ERFL: variants seen among roughly 807,000 people sequenced by gnomAD.
The protein encoded by ERFL is ETS repressor factor like, also known as ETS domain-containing transcription factor ERF-like.
ERFL carries 8 observed loss-of-function variants against 27.9 expected under a neutral mutation model. That is an observed-to-expected ratio of 0.29 (90% CI 0.17 to 0.52). The LOEUF (loss-of-function observed/expected upper bound fraction) is 0.52. Among genes scored for constraint, ERFL ranks in the 20% least tolerant of loss-of-function variants. The pLI is 0.97. For synonymous variants in ERFL, 174 were observed against 202.8 expected (o/e 0.86, Z 1.21); for missense variants, 294 against 444.4 (o/e 0.66, Z 3.04).
Position 41,917,221 on chromosome 19 carries a change from C to T in ERFL, c.-13-4289G>A, listed in dbSNP as rs2074806782. Among the ~76,000 whole-genome samples, 1 of 152,084 alleles carries T rather than the reference C, an allele frequency of 6.6e-6. No homozygotes were observed. Among genetic ancestry groups the T allele is most frequent in the Admixed American group, 6.5e-5 (1 of 15,274 alleles). ...TTGGCCTGCCTGTCTTTCTAAATAT[C>T]TCCATCTCTGAGTGTCTCTGTTTCC... On this transcript the variant is annotated intron_variant, in intron 1 of 5. Transcript: ENST00000597630. This position sits in a 1 kb window ranked among gnomAD's most constrained non-coding sequence, Gnocchi z 4.8.
At chr19:41,926,296 A>G (rs1343427645) in intron 1 of ERFL, among the ~76,000 whole-genome samples, 12 of 151,868 alleles carry the variant, frequency 7.9e-5, no homozygotes, top group African/African-American at 2.7e-4. Context: ...GTGAGAGGAA[A>G]TAGGTGTTAC....
chr19:41,916,559 C>T lies in ERFL; in HGVS notation c.-13-3627G>A, dbSNP rs1248907761. ...AAATCCTAGACACACTGTGTAAACA[C>T]ATAATCACACACTGAGGCTCACAAT... On this transcript the variant is annotated intron_variant, in intron 1 of 5. Transcript: ENST00000597630. This position sits in a 1 kb window ranked among gnomAD's most constrained non-coding sequence, Gnocchi z 5.4. Among the ~76,000 whole-genome samples, 2 of 152,130 alleles carry T rather than the reference C, an allele frequency of 1.3e-5. No individual in the cohort carries two copies. The highest frequency in any genetic ancestry group is 4.8e-5 in the African/African-American group (2 of 41,422).
At position 41,907,731 on chromosome 19, in the gene ERFL, A is replaced by C; in HGVS notation, c.*497T>G. ...TCACTCTCTGTTCTTTTATTTCTGT[A>C]GTAAACTCTCTGGAGGTGACTGTTG... On this transcript the variant is annotated 3_prime_UTR_variant, in exon 6 of 6. Transcript: ENST00000597630. 4.3e-6 allele frequency: 1 copy of C among 234,048 alleles called. No homozygotes were observed. The highest frequency in any genetic ancestry group is 2.3e-5 in the African/African-American group (1 of 43,704). 14.5% of individuals were successfully genotyped at this position (234,048 alleles called of 1,614,324 possible).
In ERFL at chr19:41,912,913, A is replaced by G; in HGVS notation, c.7T>C (p.Cys3Arg). MDCSCVSDLLFAP... is the reference protein window; with the variant it reads MDRSCVSDLLFAP... ...AAGAGAAGGTCGGAGACGCAGCTAC[A>G]GTCCATGGCGGAGCCGGCCCTGCAG... Residue 3 changes from cysteine to arginine, a missense_variant, in exon 2 of 6, where the codon TGT becomes CGT. Coordinates refer to ENST00000597630, the MANE Select transcript of ERFL (RefSeq NM_001365103.2). The G allele has an allele frequency of 8.1e-7, 1 of 1,231,252 alleles. No homozygotes were observed. 76.3% of individuals were successfully genotyped at this position (1,231,252 alleles called of 1,614,324 possible).
intron 1 of ERFL, among the ~76,000 whole-genome samples, chr19:41,914,953 A>ACCGTCT (rs2074790208): frequency 4.0e-5 from 2 of 50,106 alleles, no homozygotes; most frequent in Non-Finnish European, 6.3e-5. Context: ...CTCCTCTTCC[A>ACCGTCT]CTATCTCTGT....
intron 1 of ERFL, among the ~76,000 whole-genome samples, chr19:41,926,717 G>T (rs369473027): frequency 2.4e-4 from 37 of 152,260 alleles, no homozygotes; most frequent in African/African-American, 7.7e-4. Context: ...CGGCCGGGAG[G>T]GGGGAGCGGG....
chr19:41,916,694 C>T lies in ERFL; in HGVS notation c.-13-3762G>A, dbSNP rs1226573742. Among the ~76,000 whole-genome samples, 1 of 151,998 alleles carries T rather than the reference C, an allele frequency of 6.6e-6. No individual in the cohort carries two copies. Among genetic ancestry groups the T allele is most frequent in the African/African-American group, 2.4e-5 (1 of 41,350 alleles). The stretch of plus-strand genomic sequence containing the variant: ...AGCACCACCGACCCTCGAGCGCATA[C>T]ATATGCACTTGGTCACGCATGGAGC... On this transcript the variant is annotated intron_variant, in intron 1 of 5. Transcript: ENST00000597630. The surrounding 1 kb of genome is among the most constrained non-coding windows in gnomAD (Gnocchi z 5.4).
At chr19:41,918,518 T>TCA (rs1411197534) in intron 1 of ERFL, among the ~76,000 whole-genome samples, 1 of 103,428 alleles carries the variant, frequency 9.7e-6, no homozygotes, top group African/African-American at 3.8e-5. Flanking sequence ...ACCACACACA[T>TCA]CACACACACA....
chr19:41,917,343 A>G lies in ERFL; in HGVS notation c.-13-4411T>C, dbSNP rs1471563797. 2.0e-5 allele frequency among the ~76,000 whole-genome samples: 3 copies of G among 151,176 alleles called. No homozygotes were observed. The highest frequency in any genetic ancestry group is 4.4e-5 in the Non-Finnish European group (3 of 67,852). The stretch of plus-strand genomic sequence containing the variant: ...TCATCTCTCTCTGCCTCTGTCTCCT[A>G]ACGCCCCATCACCACGCCCCCCTGG... On this transcript the variant is annotated intron_variant, in intron 1 of 5. Transcript: ENST00000597630. This position sits in a 1 kb window ranked among gnomAD's most constrained non-coding sequence, Gnocchi z 4.8.
At chr19:41,912,164 CG>C (rs1319924746) in intron 2 of ERFL, among the ~76,000 whole-genome samples, 1 of 152,182 alleles carries the variant, frequency 6.6e-6, no homozygotes, top group African/African-American at 2.4e-5. Context: ...CAGATGTGCA[CG>C]TACAAGCAAA....
In ERFL at chr19:41,910,468, C is replaced by G. The variant is rs1409624344; in HGVS notation, c.68-371G>C. 6.6e-5 allele frequency among the ~76,000 whole-genome samples: 10 copies of G among 152,104 alleles called. No homozygotes were observed. The highest frequency in any genetic ancestry group is 1.5e-4 in the Non-Finnish European group (10 of 67,990). ...GCGTTAGTCCTCTCACTGCCCCCAG[C>G]CAGCCCTAGGAGGTCTCTAGTCTCT... On this transcript the variant is annotated intron_variant, in intron 2 of 5. Coordinates refer to ENST00000597630, the MANE Select transcript of ERFL (RefSeq NM_001365103.2). The surrounding 1 kb of genome is among the most constrained non-coding windows in gnomAD (Gnocchi z 4.4).
intron 1 of ERFL, among the ~76,000 whole-genome samples, chr19:41,915,319 T>C (rs1369185242): frequency 6.6e-6 from 1 of 151,530 alleles, no homozygotes; most frequent in East Asian, 2.0e-4. Context: ...GCAGTCTCTG[T>C]GCCCAGCCTT....
In ERFL at chr19:41,918,498, TCA is replaced by T. The variant is rs782457979; in HGVS notation, c.-13-5568_-13-5567del. Among the ~76,000 whole-genome samples the T allele has an allele frequency of 4.9e-4, 50 of 102,064 alleles. 1 individual carries two copies. In the South Asian group the frequency reaches 0.014, roughly 29 times the overall value. 67.0% of individuals were successfully genotyped at this position (102,064 alleles called of 152,430 possible). On this transcript the variant is annotated intron_variant, in intron 1 of 5. Transcript: ENST00000597630. ...ACGCACCACGCACACCACACACACA[TCA>T]CACACACACCACACACATCACACAC...
intron 1 of ERFL, among the ~76,000 whole-genome samples, chr19:41,926,567 C>T (rs2074871490): frequency 6.6e-6 from 1 of 152,132 alleles, no homozygotes; most frequent in Non-Finnish European, 1.5e-5. Context: ...TTCTGGCTCT[C>T]GGGTCCCTCC....
rs193208232 is a variant in ERFL, at chr19:41,919,328, A to T, written c.-13-6396T>A. ...ACAAGTTCACAGAAGTTGCAGACAC[A>T]TGCGCCATCCAACAGCCACACATAA... On this transcript the variant is annotated intron_variant, in intron 1 of 5. Coordinates refer to ENST00000597630, the MANE Select transcript of ERFL (RefSeq NM_001365103.2). Among the ~76,000 whole-genome samples, 49 of 152,270 alleles carry T rather than the reference A, an allele frequency of 3.2e-4. 1 individual carries two copies. The highest frequency in any genetic ancestry group is 1.0e-3 in the African/African-American group (42 of 41,554).
At chr19:41,915,707 CTCTG>C (rs1353275642) in intron 1 of ERFL, among the ~76,000 whole-genome samples, 6 of 152,178 alleles carry the variant, frequency 3.9e-5, no homozygotes, top group African/African-American at 1.4e-4. Context: ...GTCTCTATGT[CTCTG>C]TCTCTGTTTC....
In ERFL at chr19:41,917,644, ACACG is replaced by A. The variant is rs1410721789; in HGVS notation, c.-13-4716_-13-4713del. Among the ~76,000 whole-genome samples the A allele has an allele frequency of 1.4e-5, 2 of 142,602 alleles. No homozygotes were observed. Among genetic ancestry groups the A allele is most frequent in the Non-Finnish European group, 3.2e-5 (2 of 62,042 alleles). 93.6% of individuals were successfully genotyped at this position (142,602 alleles called of 152,430 possible). ...GCATGCACACACCATGCCCCAAAGCACACGCACGCACGCACACACACACCCTGAC... is the reference window on the plus strand; with the variant it reads ...GCATGCACACACCATGCCCCAAAGCACACGCACGCACACACACACCCTGAC... On this transcript the variant is annotated intron_variant, in intron 1 of 5. Transcript: ENST00000597630. This position sits in a 1 kb window ranked among gnomAD's most constrained non-coding sequence, Gnocchi z 4.8.
Position 41,908,911 on chromosome 19 carries a change from T to A in ERFL, c.616+149A>T, listed in dbSNP as rs1555850986. 2.0e-6 allele frequency: 1 copy of A among 497,180 alleles called. No individual in the cohort carries two copies. Among genetic ancestry groups the A allele is most frequent in the Non-Finnish European group, 3.1e-6 (1 of 318,374 alleles). 30.8% of individuals were successfully genotyped at this position (497,180 alleles called of 1,614,324 possible). On this transcript the variant is annotated intron_variant, in intron 5 of 5. Transcript: ENST00000597630. The surrounding 1 kb of genome is among the most constrained non-coding windows in gnomAD (Gnocchi z 6.7). ...CTCATTTCCCCTCCCTCACATCACA[T>A]CCTTTTCTGGGTTTTACACACACAC...
rs549279750 is a variant in ERFL, at chr19:41,910,723, G to T, written c.68-626C>A. Among the ~76,000 whole-genome samples the T allele has an allele frequency of 1.3e-5, 2 of 152,232 alleles. No individual in the cohort carries two copies. The highest frequency in any genetic ancestry group is 4.1e-4 in the South Asian group (2 of 4,824). On this transcript the variant is annotated intron_variant, in intron 2 of 5. Coordinates refer to ENST00000597630, the MANE Select transcript of ERFL (RefSeq NM_001365103.2). The surrounding 1 kb of genome is among the most constrained non-coding windows in gnomAD (Gnocchi z 4.4). ...CCAAGAGCAGTCCAGAACGATGTGT[G>T]TGTGTGCGTGGACACACACATGCCC...
Sources: allele counts gnomAD v4.1 joint callset (sites outside exome capture counted in the v4.1 genomes callset), GRCh38; gene constraint gnomAD v4.1.1; non-coding constraint Gnocchi (gnomAD v3.1); transcripts MANE v1.5; gene names NCBI Gene and HGNC (gene_info 2026-07-23, HGNC 2026-07-21).